The following USH2A variants were observed in gnomAD, a reference collection of about 807,000 sequenced individuals.
USH2A encodes usherin, also known as Usher syndrome 2A (autosomal recessive, mild).
USH2A carries 443 observed loss-of-function variants against 538.9 expected under a neutral mutation model. The ratio of observed to expected loss-of-function variants is 0.82; its 90% CI spans 0.76 to 0.89. USH2A has a LOEUF of 0.89. Ranked by LOEUF, USH2A falls within the 40% of genes least tolerant of loss-of-function variation. The pLI is 0.00. For synonymous variants in USH2A, 2,413 were observed against 2,273.5 expected (o/e 1.06, Z -1.75); for missense variants, 6,633 against 6,324.8 (o/e 1.05, Z -1.65).
chr1:216,217,671 A>G (rs888350587), intron 14 of USH2A, 121 bp from the exon 15 acceptor site: 16 of 1,156,336 alleles, frequency 1.4e-5, no homozygotes, highest in Non-Finnish European at 1.9e-5. Flanking sequence ...AATATATTGA[A>G]AAGAATGCTT....
At position 215,728,342 on chromosome 1, in the gene USH2A, C is replaced by T. The variant is rs1358947010; in HGVS notation, c.11754G>A (p.Trp3918Ter). 1.9e-6 allele frequency: 3 copies of T among 1,614,020 alleles called. No individual in the cohort carries two copies. Among genetic ancestry groups the T allele is most frequent in the Admixed American group, 1.7e-5 (1 of 59,988 alleles). ...CCATAAATTCAAGGGCTCCTTCTGACCAGACAAATAAAACAGACTCCTCTT... is the reference window on the plus strand; with the variant it reads ...CCATAAATTCAAGGGCTCCTTCTGATCAGACAAATAAAACAGACTCCTCTT... Reference protein sequence around the residue: ...GIEEESVLFVWSEGALEFMDE... With the variant: ...GIEEESVLFV The change falls in exon 61 of 72, where the codon TGG (tryptophan) becomes TGA (stop). Residue 3918 changes from tryptophan (W) to a stop codon, truncating the protein, a stop_gained. Transcript: ENST00000307340. LOFTEE classifies it high-confidence loss of function.
intron 35 of USH2A, among the ~76,000 whole-genome samples, chr1:215,978,484 T>C (rs1418857060): frequency 2.0e-5 from 3 of 152,272 alleles, no homozygotes; most frequent in South Asian, 4.1e-4. Context: ...AAGATTAATA[T>C]AAATATATTG....
At chr1:216,092,868 G>C (rs1360644233) in intron 22 of USH2A, among the ~76,000 whole-genome samples, 2 of 152,008 alleles carry the variant, frequency 1.3e-5, no homozygotes, top group African/African-American at 4.8e-5. Flanking sequence ...GAAAACTCAA[G>C]CAGTTTTACC....
At chr1:216,128,715 T>A (rs888311941) in intron 21 of USH2A, among the ~76,000 whole-genome samples, 9 of 152,110 alleles carry the variant, frequency 5.9e-5, no homozygotes, top group Admixed American at 5.9e-4. Context: ...GGGATATGCA[T>A]CACCCCAAGC....
intron 38 of USH2A, among the ~76,000 whole-genome samples, chr1:215,923,916 G>A (rs1037453574): frequency 6.6e-6 from 1 of 151,382 alleles, no homozygotes; most frequent in African/African-American, 2.4e-5. Flanking sequence ...AAATAGAGAT[G>A]GGGTCTCACT....
intron 61 of USH2A, among the ~76,000 whole-genome samples, chr1:215,705,318 G>T (rs2364859): frequency 3.9e-5 from 6 of 151,990 alleles, no homozygotes; most frequent in Admixed American, 6.6e-5. Context: ...TGCCTTTTGT[G>T]TATACTTTTT....
At chr1:215,791,805 T>C (rs1204909921) in intron 50 of USH2A, among the ~76,000 whole-genome samples, 6 of 152,326 alleles carry the variant, frequency 3.9e-5, no homozygotes, top group Admixed American at 1.3e-4. Context: ...CAAATACACA[T>C]ATTTATGTGT....
rs1369754697 is a variant in USH2A, at chr1:216,147,180, C to T, written c.4627+28072G>A. On this transcript the variant is annotated intron_variant, in intron 21 of 71. Coordinates refer to ENST00000307340, the MANE Select transcript of USH2A (RefSeq NM_206933.4). ...CCAAGCATCGCTGAGTCTTTCTAATCTTCCTTTTCTACAGACCCATCTGAC... is the reference window on the plus strand; with the variant it reads ...CCAAGCATCGCTGAGTCTTTCTAATTTTCCTTTTCTACAGACCCATCTGAC... Among the ~76,000 whole-genome samples, 5 of 151,950 alleles carry T rather than the reference C, an allele frequency of 3.3e-5. No homozygotes were observed. The East Asian group carries it at 9.7e-4, about 29-fold the overall frequency.
At chr1:216,123,693 T>C (rs1057415613) in intron 21 of USH2A, among the ~76,000 whole-genome samples, 2 of 152,204 alleles carry the variant, frequency 1.3e-5, no homozygotes, top group African/African-American at 4.8e-5. Context: ...AAATTCAATG[T>C]TCCTGACTTA....
At chr1:216,128,267 A>C (rs972625601) in intron 21 of USH2A, among the ~76,000 whole-genome samples, 3 of 152,128 alleles carry the variant, frequency 2.0e-5, no homozygotes, top group African/African-American at 7.2e-5. Context: ...TACTAAAAAC[A>C]ATGTGTAATT....
At chr1:215,893,704 G>A (rs896079412) in intron 40 of USH2A, among the ~76,000 whole-genome samples, 1 of 152,076 alleles carries the variant, frequency 6.6e-6, no homozygotes, top group South Asian at 2.1e-4. Flanking sequence ...AAGAAACACA[G>A]ACATTACAAG....
chr1:216,051,234 G>A (rs529858842), intron 30 of USH2A, among the ~76,000 whole-genome samples: 1 of 152,104 alleles, frequency 6.6e-6, no homozygotes, highest in South Asian at 2.1e-4. Flanking sequence ...CCTGGTTCTG[G>A]GTTTCTATCT....
rs374534815 is a variant in USH2A at position 216,046,411 on chromosome 1, G to A, written c.6325+20C>T. ...TGAATATAGACTATAACAATTCGCT[G>A]ATAACTCTAGAGGTCTTACCTGTGA... On this transcript the variant is annotated intron_variant, in intron 32 of 71. Transcript: ENST00000307340. 1.4e-5 allele frequency: 22 copies of A among 1,612,880 alleles called. No individual in the cohort carries two copies. The African/African-American group carries it at 2.8e-4, about 21-fold the overall frequency.
Position 216,422,090 on chromosome 1 carries a change from A to G in USH2A, c.247T>C (p.Phe83Leu). The G allele has an allele frequency of 1.9e-6, 3 of 1,613,808 alleles. No individual in the cohort carries two copies. Among genetic ancestry groups the G allele is most frequent in the South Asian group, 1.1e-5 (1 of 91,068 alleles). Residue 83 changes from phenylalanine (F) to leucine (L), a missense_variant, in exon 2 of 72, where the codon TTT (phenylalanine) becomes CTT (leucine). By Grantham distance (22) the Phe-to-Leu change is conservative (BLOSUM62 0). Coordinates refer to ENST00000307340, the MANE Select transcript of USH2A (RefSeq NM_206933.4). ...CTGTATGGGCAATCCTGAATACAAA[A>G]CCGCTGGGTACAGAACTGAATACTT... ...AESIQFCTQRFCIQDCPYRSS... is the reference protein window; with the variant it reads ...AESIQFCTQRLCIQDCPYRSS...
At chr1:215,935,221 T>C (rs1336458424) in intron 37 of USH2A, among the ~76,000 whole-genome samples, 2 of 152,050 alleles carry the variant, frequency 1.3e-5, no homozygotes, top group African/African-American at 4.8e-5. Flanking sequence ...TAACACATTA[T>C]TCCTCAAATA....
At chr1:216,190,105 A>G in intron 20 of USH2A, 118 bp downstream of exon 20, 1 of 1,407,250 alleles carries the variant, frequency 7.1e-7, no homozygotes, top group Non-Finnish European at 9.8e-7. Flanking sequence ...AGAAGCAATC[A>G]GAGTTAGTGA....
At chr1:215,629,579 C>T (rs1239802768) in intron 70 of USH2A, among the ~76,000 whole-genome samples, 1 of 151,578 alleles carries the variant, frequency 6.6e-6, no homozygotes, top group Non-Finnish European at 1.5e-5. Context: ...TTTCTCATTC[C>T]ATATTCCTCC....
intron 44 of USH2A, among the ~76,000 whole-genome samples, chr1:215,863,509 C>A (rs1664385086): frequency 6.6e-6 from 1 of 152,186 alleles, no homozygotes; most frequent in Non-Finnish European, 1.5e-5. Flanking sequence ...CAGGATGAGA[C>A]AAATGCTTTT....
intron 40 of USH2A, among the ~76,000 whole-genome samples, chr1:215,893,210 T>A (rs192158655): frequency 6.6e-6 from 1 of 152,310 alleles, no homozygotes; most frequent in East Asian, 1.9e-4. Context: ...AATGAATCTA[T>A]GTATTGTTTT....
Sources: allele counts gnomAD v4.1 joint callset (sites outside exome capture counted in the v4.1 genomes callset), GRCh38; gene constraint gnomAD v4.1.1; transcripts MANE v1.5; gene names NCBI Gene and HGNC (gene_info 2026-07-23, HGNC 2026-07-21).